GALNTL6: variants seen among roughly 807,000 people sequenced by gnomAD.
The protein encoded by GALNTL6 is polypeptide N-acetylgalactosaminyltransferase like 6.
In GALNTL6, 46 loss-of-function variants were observed where a neutral mutation model predicts 73.7. The ratio of observed to expected loss-of-function variants is 0.62; its 90% CI spans 0.49 to 0.80. The LOEUF (loss-of-function observed/expected upper bound fraction) is 0.80, where lower values mean the gene tolerates loss of function less well. GALNTL6 is among the 30% of genes least tolerant of loss of function. The pLI, the probability that GALNTL6 is intolerant of heterozygous loss-of-function variation, is 0.00. For missense variants in GALNTL6, 604 were observed against 755.0 expected (o/e 0.80, Z 2.34); for synonymous variants, 259 against 263.7 (o/e 0.98, Z 0.17).
chr4:172,030,726 G>A (rs1175710630), intron 2 of GALNTL6, among the ~76,000 whole-genome samples: 2 of 151,392 alleles, frequency 1.3e-5, no homozygotes, highest in East Asian at 3.9e-4. Context: ...AATAAAATAT[G>A]GGGGACATAT....
intron 2 of GALNTL6, among the ~76,000 whole-genome samples, chr4:172,139,865 T>C (rs1201408791): frequency 6.6e-6 from 1 of 152,182 alleles, no homozygotes; most frequent in Non-Finnish European, 1.5e-5. Context: ...GTCATTCTGA[T>C]TACTCAGAAA....
At chr4:172,968,237 C>T (rs1435135809) in intron 10 of GALNTL6, among the ~76,000 whole-genome samples, 1 of 152,158 alleles carries the variant, frequency 6.6e-6, no homozygotes, top group Non-Finnish European at 1.5e-5. Context: ...GGGAGTACTG[C>T]TACTTCTCCA....
chr4:172,705,368 T>C (rs1024336350), intron 5 of GALNTL6, among the ~76,000 whole-genome samples: 8 of 151,830 alleles, frequency 5.3e-5, no homozygotes, highest in African/African-American at 1.9e-4. Context: ...TGCATGGGTA[T>C]ATAAAACATT....
intron 2 of GALNTL6, among the ~76,000 whole-genome samples, chr4:171,886,870 A>G (rs1022910765): frequency 1.3e-5 from 2 of 152,216 alleles, no homozygotes; most frequent in South Asian, 2.1e-4. Flanking sequence ...CCATAGAAGT[A>G]TGTGAGCATG....
At chr4:172,748,170 C>T (rs975015715) in intron 5 of GALNTL6, among the ~76,000 whole-genome samples, 2 of 151,936 alleles carry the variant, frequency 1.3e-5, no homozygotes, top group African/African-American at 4.8e-5. Context: ...TAATAAAAAA[C>T]AAGTAAGATA....
intron 7 of GALNTL6, among the ~76,000 whole-genome samples, chr4:172,851,773 T>A (rs192840773): frequency 6.6e-6 from 1 of 152,182 alleles, no homozygotes. Context: ...TTCACCCACA[T>A]TGGCATCCAA....
intron 2 of GALNTL6, among the ~76,000 whole-genome samples, chr4:171,914,159 T>C (rs911667705): frequency 1.3e-5 from 2 of 152,116 alleles, no homozygotes; most frequent in African/African-American, 4.8e-5. Flanking sequence ...ACACATGACA[T>C]AGGAATATAG....
intron 5 of GALNTL6, among the ~76,000 whole-genome samples, chr4:172,377,343 A>G (rs1337202441): frequency 1.3e-5 from 2 of 152,160 alleles, no homozygotes; most frequent in African/African-American, 2.4e-5. Context: ...TTAGCTAGAT[A>G]CAGAGTGCTG....
At chr4:172,502,979 T>C (rs1734315192) in intron 5 of GALNTL6, among the ~76,000 whole-genome samples, 1 of 152,154 alleles carries the variant, frequency 6.6e-6, no homozygotes, top group Non-Finnish European at 1.5e-5. Context: ...ATTACAGAAA[T>C]CTCGGATAAC....
intron 8 of GALNTL6, among the ~76,000 whole-genome samples, chr4:172,919,800 T>C (rs1037006961): frequency 1.3e-5 from 2 of 152,156 alleles, no homozygotes; most frequent in Non-Finnish European, 2.9e-5. Context: ...CTTAATTACA[T>C]TTTACCCAAA....
intron 4 of GALNTL6, among the ~76,000 whole-genome samples, chr4:172,317,676 A>T (rs1740610222): frequency 6.6e-6 from 1 of 152,184 alleles, no homozygotes; most frequent in Non-Finnish European, 1.5e-5. Flanking sequence ...GAAAAATGTG[A>T]TCCGTTTTGA....
At chr4:172,986,954 A>G (rs1204914461) in intron 10 of GALNTL6, among the ~76,000 whole-genome samples, 1 of 152,220 alleles carries the variant, frequency 6.6e-6, no homozygotes, top group Admixed American at 6.5e-5. Flanking sequence ...TGCAGGCCAG[A>G]AAGAATTTCA....
intron 2 of GALNTL6, among the ~76,000 whole-genome samples, chr4:172,192,270 G>A (rs1735611305): frequency 6.6e-6 from 1 of 152,042 alleles, no homozygotes; most frequent in Admixed American, 6.6e-5. Flanking sequence ...CAGAAAAACT[G>A]TATCCAATGG....
intron 2 of GALNTL6, among the ~76,000 whole-genome samples, chr4:172,056,900 G>C (rs922940256): frequency 5.3e-5 from 8 of 151,768 alleles, no homozygotes; most frequent in African/African-American, 1.9e-4. Context: ...TTGTATGATA[G>C]TTTTATTTTA....
chr4:171,814,765 G>A (rs1438243284), intron 2 of GALNTL6, 47 bp downstream of exon 2: 1 of 1,598,842 alleles, frequency 6.3e-7, no homozygotes, highest in Non-Finnish European at 8.5e-7. Context: ...GTAAGGCAGT[G>A]ATCCTCGCGC....
chr4:172,606,271 A>T (rs1342863376), intron 5 of GALNTL6, among the ~76,000 whole-genome samples: 1 of 151,870 alleles, frequency 6.6e-6, no homozygotes, highest in Non-Finnish European at 1.5e-5. Flanking sequence ...CCTGACCAAC[A>T]TGGAGAAACC....
rs1735042995 is a variant in GALNTL6, at chr4:171,834,094, T to G, written c.138+19376T>G. On this transcript the variant is annotated intron_variant, in intron 2 of 12. Transcript: ENST00000506823. Reference sequence around the variant, plus strand: ...AAGCCAAGTCCTCATATTTCCTGGCTTTGGGATAACATTTGGAAACCTGTT... The same window carrying G: ...AAGCCAAGTCCTCATATTTCCTGGCGTTGGGATAACATTTGGAAACCTGTT... Among the ~76,000 whole-genome samples the G allele has an allele frequency of 1.3e-5, 2 of 151,982 alleles. 1 individual carries two copies. The highest frequency in any genetic ancestry group is 4.1e-4 in the South Asian group (2 of 4,834).
intron 5 of GALNTL6, among the ~76,000 whole-genome samples, chr4:172,395,292 G>A (rs1743809792): frequency 6.6e-6 from 1 of 151,936 alleles, no homozygotes; most frequent in Non-Finnish European, 1.5e-5. Flanking sequence ...CATTACTTTT[G>A]TATTTATGGA....
chr4:172,465,350 G>A (rs1410633088), intron 5 of GALNTL6, among the ~76,000 whole-genome samples: 7 of 151,992 alleles, frequency 4.6e-5, no homozygotes, highest in Admixed American at 6.6e-5. Context: ...GGTGGTGAGC[G>A]TCTGTAGTCC....
Sources: allele counts gnomAD v4.1 joint callset (sites outside exome capture counted in the v4.1 genomes callset), GRCh38; gene constraint gnomAD v4.1.1; transcripts MANE v1.5; gene names NCBI Gene and HGNC (gene_info 2026-07-23, HGNC 2026-07-21).